CALN1: variants seen among roughly 807,000 people sequenced by gnomAD.
CALN1 encodes calneuron 1.
A neutral mutation model predicts 30.6 loss-of-function variants in CALN1; 17 were observed. The ratio of observed to expected loss-of-function variants is 0.56; its 90% CI spans 0.38 to 0.83. CALN1 has a LOEUF of 0.83. Among genes scored for constraint, CALN1 ranks in the 40% least tolerant of loss-of-function variants. The pLI, the probability that CALN1 is intolerant of heterozygous loss-of-function variation, is 0.00. For synonymous variants in CALN1, 156 were observed against 131.4 expected (o/e 1.19, Z -1.28); for missense variants, 291 against 354.9 (o/e 0.82, Z 1.45).
chr7:72,192,995 C>G (rs192989040), intron 3 of CALN1, among the ~76,000 whole-genome samples: 10 of 152,000 alleles, frequency 6.6e-5, no homozygotes, highest in African/African-American at 2.2e-4. Context: ...CGAGACCAGT[C>G]TGGCCAACAT....
At chr7:72,273,729 T>TC (rs1368862623) in intron 3 of CALN1, among the ~76,000 whole-genome samples, 1 of 151,884 alleles carries the variant, frequency 6.6e-6, no homozygotes, top group Admixed American at 6.6e-5. Flanking sequence ...CAGGCTGGTC[T>TC]CCAACTCCTA....
chr7:71,837,712 T>G (rs751378661), intron 5 of CALN1, among the ~76,000 whole-genome samples: 1 of 152,164 alleles, frequency 6.6e-6, no homozygotes, highest in Admixed American at 6.6e-5. Flanking sequence ...AACAGGGTCT[T>G]AAGGTTCTGT....
In CALN1 at chr7:72,429,190, T is replaced by C. The variant is rs558831607; in HGVS notation, c.-225-16915A>G. On this transcript the variant is annotated intron_variant, in intron 1 of 6. Transcript: ENST00000395276. ...AATCCATCTTCAAGAGGAAAGTCAATCAATGGACACCAACCTCAAGTGGAT... is the reference window on the plus strand; with the variant it reads ...AATCCATCTTCAAGAGGAAAGTCAACCAATGGACACCAACCTCAAGTGGAT... Among the ~76,000 whole-genome samples, 80 of 152,256 alleles carry C rather than the reference T, an allele frequency of 5.3e-4. No homozygotes were observed. In the South Asian group the frequency reaches 5.4e-3, roughly 10 times the overall value.
At chr7:72,322,011 A>G (rs2176400) in intron 2 of CALN1, among the ~76,000 whole-genome samples, 149,832 of 152,288 alleles carry the variant, frequency 0.98, 73,748 homozygotes, top group Middle Eastern at 1. Context: ...GGGGCAGGAG[A>G]GGATGGTTTG....
chr7:72,093,623 G>A (rs1408531382), intron 4 of CALN1, among the ~76,000 whole-genome samples: 3 of 152,144 alleles, frequency 2.0e-5, no homozygotes, highest in Non-Finnish European at 4.4e-5. Flanking sequence ...TTATGGTAAC[G>A]ATGATGACTA....
chr7:72,336,236 G>C (rs1802024272), intron 2 of CALN1, among the ~76,000 whole-genome samples: 1 of 152,110 alleles, frequency 6.6e-6, no homozygotes, highest in East Asian at 1.9e-4. Flanking sequence ...CTCCGGCTTC[G>C]CGAAGAGACC....
At chr7:71,881,915 A>G (rs943955838) in intron 5 of CALN1, among the ~76,000 whole-genome samples, 6 of 151,826 alleles carry the variant, frequency 4.0e-5, no homozygotes, top group Admixed American at 2.6e-4. Context: ...TTTACAAAAA[A>G]AAAAAAAATT....
intron 2 of CALN1, among the ~76,000 whole-genome samples, chr7:72,369,359 T>TTTTTG (rs3030372): frequency 7.0e-4 from 102 of 146,710 alleles, no homozygotes; most frequent in East Asian, 6.5e-3. Context: ...TATTTATTTT[T>TTTTTG]TTGTTGTTGT....
chr7:71,806,725 C>CG (rs1282019649), intron 6 of CALN1, among the ~76,000 whole-genome samples: 6 of 152,098 alleles, frequency 3.9e-5, no homozygotes, highest in African/African-American at 1.4e-4. Flanking sequence ...GAAGGACCCC[C>CG]CCCCAGGGAG....
In CALN1 at chr7:71,810,681, G is replaced by A. The variant is rs187061399; in HGVS notation, c.502-189C>T. Among the ~76,000 whole-genome samples the A allele has an allele frequency of 4.0e-3, 610 of 152,124 alleles. 3 individuals are homozygous for A. The highest frequency in any genetic ancestry group is 0.017 in the Middle Eastern group (5 of 294). ...TGAACTTGCAGGGACTTATTGGAAT[G>A]ATAGAGAGTGGAACATATTCCCTTC... is the stretch of plus-strand genomic sequence containing the variant. On this transcript the variant is annotated intron_variant, in intron 5 of 6. Transcript: ENST00000395275.
chr7:72,073,191 C>G (rs1804516319), intron 4 of CALN1, among the ~76,000 whole-genome samples: 1 of 152,072 alleles, frequency 6.6e-6, no homozygotes, highest in Admixed American at 6.6e-5. Flanking sequence ...GAGATACTTA[C>G]AGAGTAGTCA....
intron 3 of CALN1, among the ~76,000 whole-genome samples, chr7:72,208,835 A>C (rs558095077): frequency 6.6e-6 from 1 of 152,324 alleles, no homozygotes; most frequent in South Asian, 2.1e-4. Context: ...AAGTGAATAC[A>C]CAGTGTTAGA....
chr7:71,928,848 G>A (rs1584533166), intron 5 of CALN1, among the ~76,000 whole-genome samples: 2 of 150,888 alleles, frequency 1.3e-5, no homozygotes, highest in Admixed American at 6.6e-5. Context: ...CCAACGTGGC[G>A]AAACCCCGCC....
intron 5 of CALN1, among the ~76,000 whole-genome samples, chr7:71,892,317 T>C (rs1222460406): frequency 6.6e-6 from 1 of 152,140 alleles, no homozygotes; most frequent in Non-Finnish European, 1.5e-5. Flanking sequence ...ACCTAACTAT[T>C]GAGATTCTAG....
chr7:72,423,218 A>G (rs1000962629), intron 1 of CALN1, among the ~76,000 whole-genome samples: 1 of 151,884 alleles, frequency 6.6e-6, no homozygotes, highest in Non-Finnish European at 1.5e-5. Flanking sequence ...AACTTGTACT[A>G]TTGTATTTTT....
the CALN1 span, among the ~76,000 whole-genome samples, chr7:72,475,660 C>T: frequency 6.6e-6 from 1 of 152,170 alleles, no homozygotes; most frequent in Non-Finnish European, 1.5e-5. Context: ...ATGGCATATG[C>T]CTTTTGCACA....
chr7:71,998,782 C>G (rs113694174), intron 5 of CALN1, among the ~76,000 whole-genome samples: 3,310 of 152,122 alleles, frequency 0.022, 110 homozygotes, highest in African/African-American at 0.075. Flanking sequence ...GTCTTGAACT[C>G]CTGGACTCAA....
intron 5 of CALN1, among the ~76,000 whole-genome samples, chr7:71,973,582 T>C (rs1056331244): frequency 3.9e-5 from 6 of 152,202 alleles, no homozygotes; most frequent in African/African-American, 1.4e-4. Context: ...TCTCACCGCG[T>C]GGCAAGAGCA....
intron 4 of CALN1, among the ~76,000 whole-genome samples, chr7:72,054,110 T>TG (rs1803021615): frequency 6.6e-6 from 1 of 152,124 alleles, no homozygotes; most frequent in Non-Finnish European, 1.5e-5. Flanking sequence ...AACACGCATG[T>TG]GCAAGTACCT....
Sources: gnomAD v4.1 joint callset for allele counts (sites outside exome capture counted in the v4.1 genomes callset) on GRCh38, gnomAD v4.1.1 for gene constraint, MANE v1.5 for transcripts, NCBI Gene and HGNC (gene_info 2026-07-23, HGNC 2026-07-21) for gene names.